ARHGEF28: variants seen among roughly 807,000 people sequenced by gnomAD.
ARHGEF28 encodes Rho guanine nucleotide exchange factor 28, also known as 190 kDa guanine nucleotide exchange factor.
A neutral mutation model predicts 206.6 loss-of-function variants in ARHGEF28; 152 were observed. That is an observed-to-expected ratio of 0.74 (90% CI 0.64 to 0.84). The LOEUF (loss-of-function observed/expected upper bound fraction) is 0.84. Among genes scored for constraint, ARHGEF28 ranks in the 40% least tolerant of loss-of-function variants. The pLI, the probability that ARHGEF28 is intolerant of heterozygous loss-of-function variation, is 0.00. For synonymous variants in ARHGEF28, 763 were observed against 776.4 expected (o/e 0.98, Z 0.29); for missense variants, 2,028 against 2,073.2 (o/e 0.98, Z 0.42).
intron 2 of ARHGEF28, among the ~76,000 whole-genome samples, chr5:73,707,885 TC>T (rs1157922946): frequency 6.6e-6 from 1 of 152,200 alleles, no homozygotes; most frequent in Non-Finnish European, 1.5e-5. Context: ...TGATGAGTAA[TC>T]CTATCCTGGC....
chr5:73,930,506 G>T (rs283631), intron 35 of ARHGEF28, among the ~76,000 whole-genome samples: 59,933 of 152,070 alleles, frequency 0.39, 11,975 homozygotes, highest in East Asian at 0.57. Context: ...AGCTTTAATA[G>T]ATTTTGTACT....
chr5:73,709,692 C>A (rs1426570986), intron 2 of ARHGEF28, among the ~76,000 whole-genome samples: 1 of 152,168 alleles, frequency 6.6e-6, no homozygotes, highest in Non-Finnish European at 1.5e-5. Context: ...GGTATGACTG[C>A]CCTCAGCATT....
intron 4 of ARHGEF28, among the ~76,000 whole-genome samples, chr5:73,768,091 C>T (rs1245197457): frequency 6.6e-6 from 1 of 152,168 alleles, no homozygotes; most frequent in Non-Finnish European, 1.5e-5. Context: ...GGTTTGGGAA[C>T]CTAGATTTCA....
At chr5:73,828,726 C>G (rs1283676116) in intron 9 of ARHGEF28, among the ~76,000 whole-genome samples, 1 of 149,610 alleles carries the variant, frequency 6.7e-6, no homozygotes, top group Non-Finnish European at 1.5e-5. Flanking sequence ...CTTTCTTTCT[C>G]TCTGTCTTTC....
chr5:73,847,977 A>G (rs1425713198), intron 12 of ARHGEF28, among the ~76,000 whole-genome samples: 1 of 152,192 alleles, frequency 6.6e-6, no homozygotes, highest in African/African-American at 2.4e-5. Context: ...AACTAAACTA[A>G]TGAAGTTAGG....
intron 14 of ARHGEF28, among the ~76,000 whole-genome samples, chr5:73,854,399 A>G (rs1425282914): frequency 6.6e-6 from 1 of 152,164 alleles, no homozygotes. Flanking sequence ...GCATGACTTG[A>G]TTATTTTACT....
intron 16 of ARHGEF28, among the ~76,000 whole-genome samples, chr5:73,859,539 C>G (rs1759260721): frequency 6.6e-6 from 1 of 152,184 alleles, no homozygotes; most frequent in South Asian, 2.1e-4. Context: ...TCACAGTTGA[C>G]ATTGTGTTTA....
intron 1 of ARHGEF28, among the ~76,000 whole-genome samples, chr5:73,650,292 T>G (rs1381448967): frequency 2.0e-5 from 3 of 146,392 alleles, no homozygotes; most frequent in Non-Finnish European, 4.5e-5. Flanking sequence ...TTTTTTTTTT[T>G]TTTTTTTTTT....
At chr5:73,934,286 T>C (rs1764296777) in intron 35 of ARHGEF28, among the ~76,000 whole-genome samples, 1 of 152,240 alleles carries the variant, frequency 6.6e-6, no homozygotes, top group Non-Finnish European at 1.5e-5. Flanking sequence ...AGATGCAGGC[T>C]TTATTTTTTG....
In ARHGEF28 at chr5:73,720,947, A is replaced by G. The variant is rs560020386; in HGVS notation, c.34-28890A>G. Among the ~76,000 whole-genome samples the G allele has an allele frequency of 5.3e-5, 8 of 152,362 alleles. No homozygotes were observed. The South Asian group carries it at 1.7e-3, about 32-fold the overall frequency. ...ATGCCTGTTCAAAATAACGGCTTAT[A>G]TAACATATTGCTTCTCAAATTTCTT... is the stretch of plus-strand genomic sequence containing the variant. On this transcript the variant is annotated intron_variant, in intron 2 of 35. Transcript: ENST00000513042.
intron 35 of ARHGEF28, 145 bp from the exon 36 acceptor site, chr5:73,940,699 A>G (rs1353757402): frequency 3.6e-6 from 2 of 555,424 alleles, no homozygotes; most frequent in Non-Finnish European, 5.5e-6. Context: ...GACACCTATT[A>G]TGTTCCTTTC....
At chr5:73,892,396 G>T (rs1359333148) in intron 27 of ARHGEF28, among the ~76,000 whole-genome samples, 166 bp downstream of exon 27, 1 of 151,550 alleles carries the variant, frequency 6.6e-6, no homozygotes, top group East Asian at 1.9e-4. Context: ...TCTCCTCCAC[G>T]CCTCCCTGCA....
intron 2 of ARHGEF28, among the ~76,000 whole-genome samples, chr5:73,712,809 T>C (rs1200210735): frequency 6.6e-6 from 1 of 152,160 alleles, no homozygotes; most frequent in East Asian, 1.9e-4. Context: ...AGTTCATGAG[T>C]TGCCCTTCTT....
chr5:73,849,459 C>T (rs932588694), intron 13 of ARHGEF28, among the ~76,000 whole-genome samples: 1 of 152,082 alleles, frequency 6.6e-6, no homozygotes, highest in Non-Finnish European at 1.5e-5. Context: ...ACATTGCTAA[C>T]ATAATCCAAC....
chr5:73,913,585 G>A (rs1763032070), intron 35 of ARHGEF28, among the ~76,000 whole-genome samples: 1 of 152,168 alleles, frequency 6.6e-6, no homozygotes, highest in Non-Finnish European at 1.5e-5. Flanking sequence ...TGATCTTGGG[G>A]GACAGTGACT....
chr5:73,910,249 C>T (rs888452529), intron 34 of ARHGEF28, among the ~76,000 whole-genome samples: 4 of 151,536 alleles, frequency 2.6e-5, no homozygotes, highest in African/African-American at 7.3e-5. Flanking sequence ...GGCTTGGTGG[C>T]GGGCCTCTGT....
chr5:73,909,477 C>A lies in ARHGEF28; in HGVS notation c.4227C>A (p.Gly1409=). ...IHRLVLQQQE[G]LSLGHSILRG... ...GGCTGGTTCTCCAGCAGCAGGAGGG[C>A]CTGTCTCTCGGCCACTCTATCCTCC... The change falls in exon 34 of 36, where the codon GGC becomes GGA. Residue 1409 remains glycine, a synonymous_variant. Coordinates refer to ENST00000513042, the MANE Select transcript of ARHGEF28 (RefSeq NM_001177693.2). 6.2e-7 allele frequency: 1 copy of A among 1,612,860 alleles called. No homozygotes were observed.
intron 6 of ARHGEF28, 91 bp downstream of exon 6, chr5:73,776,787 G>T: frequency 7.8e-7 from 1 of 1,275,608 alleles, no homozygotes; most frequent in Non-Finnish European, 1.1e-6. Context: ...TTTTTTGGGG[G>T]TAGGACTTTT....
At chr5:73,727,427 A>C (rs2112342521) in intron 2 of ARHGEF28, among the ~76,000 whole-genome samples, 1 of 152,296 alleles carries the variant, frequency 6.6e-6, no homozygotes, top group Non-Finnish European at 1.5e-5. Context: ...ATGGAATCTT[A>C]TGTGTAGCAA....
Sources: gnomAD v4.1 joint callset for allele counts (sites outside exome capture counted in the v4.1 genomes callset) on GRCh38, gnomAD v4.1.1 for gene constraint, MANE v1.5 for transcripts, NCBI Gene and HGNC (gene_info 2026-07-23, HGNC 2026-07-21) for gene names.